The following USP13 variants were observed in gnomAD, a reference collection of about 807,000 sequenced individuals.
USP13 encodes the protein ubiquitin carboxyl-terminal hydrolase 13.
A neutral mutation model predicts 107.8 loss-of-function variants in USP13; 68 were observed. The ratio of observed to expected loss-of-function variants is 0.63; its 90% CI spans 0.52 to 0.77. The LOEUF (loss-of-function observed/expected upper bound fraction) is 0.77, where lower values mean the gene tolerates loss of function less well. USP13 is among the 30% of genes least tolerant of loss of function. USP13 has a pLI of 0.00. For synonymous variants in USP13, 377 were observed against 389.5 expected (o/e 0.97, Z 0.38); for missense variants, 945 against 1,093.3 (o/e 0.86, Z 1.91).
chr3:179,759,947 C>T (rs1057470078), intron 16 of USP13, among the ~76,000 whole-genome samples: 1 of 152,166 alleles, frequency 6.6e-6, no homozygotes, highest in African/African-American at 2.4e-5. Context: ...GCTGGGATTA[C>T]AGGCGTGAGC....
rs1714235302 is a variant in USP13 at position 179,742,351 on chromosome 3, G to T, written c.1534+1G>T. On this transcript the variant is annotated splice_donor_variant, in intron 12 of 20. Transcript: ENST00000263966. LOFTEE classifies it high-confidence loss of function. This position sits in a 1 kb window ranked among gnomAD's most constrained non-coding sequence, Gnocchi z 5.0. ...GCCATGGAGGCGGCAACCAACAAGG[G>T]TAACAATTCCAAAGCGGGAAATTGG... 5 of 1,614,186 alleles carry T rather than the reference G, an allele frequency of 3.1e-6. No homozygotes were observed. The highest frequency in any genetic ancestry group is 4.2e-6 in the Non-Finnish European group (5 of 1,180,016).
Position 179,653,506 on chromosome 3 carries a change from G to C in USP13, c.168+113G>C. On this transcript the variant is annotated intron_variant, in intron 1 of 20. Transcript: ENST00000263966. The surrounding 1 kb of genome is among the most constrained non-coding windows in gnomAD (Gnocchi z 4.0). ...ACCTCTTCTCTTCCTCCGGGCGGCAGAGTTGGCTCAGGAACACTGCAGTTC... is the reference window on the plus strand; with the variant it reads ...ACCTCTTCTCTTCCTCCGGGCGGCACAGTTGGCTCAGGAACACTGCAGTTC... 7.0e-7 allele frequency: 1 copy of C among 1,428,926 alleles called. No individual in the cohort carries two copies. Among genetic ancestry groups the C allele is most frequent in the Non-Finnish European group, 9.4e-7 (1 of 1,065,458 alleles). The allele number at this position is 1,428,926 out of a possible 1,614,324, so 88.5% of individuals were successfully genotyped here.
At chr3:179,690,643 G>T (rs931559757) in intron 3 of USP13, among the ~76,000 whole-genome samples, 3 of 152,162 alleles carry the variant, frequency 2.0e-5, no homozygotes, top group African/African-American at 7.2e-5. Context: ...CGCCATCTTG[G>T]CTCACTACAA....
intron 6 of USP13, among the ~76,000 whole-genome samples, chr3:179,709,837 T>C (rs1005095255): frequency 6.6e-6 from 1 of 152,210 alleles, no homozygotes; most frequent in Non-Finnish European, 1.5e-5. Flanking sequence ...AGGGGAAATA[T>C]AAAAACATGT....
Position 179,674,266 on chromosome 3 carries a change from G to A in USP13, c.169-7612G>A, listed in dbSNP as rs1720830294. Among the ~76,000 whole-genome samples the A allele has an allele frequency of 2.0e-5, 3 of 152,318 alleles. 1 individual carries two copies. The South Asian group carries it at 6.2e-4, about 32-fold the overall frequency. ...TGTGACCAGTGGATCTGTTTGCCCAGGACATAGACCAGTTTGGGTTTTGTG... is the reference window on the plus strand; with the variant it reads ...TGTGACCAGTGGATCTGTTTGCCCAAGACATAGACCAGTTTGGGTTTTGTG... On this transcript the variant is annotated intron_variant, in intron 1 of 20. Transcript: ENST00000263966.
intron 10 of USP13, among the ~76,000 whole-genome samples, chr3:179,736,361 A>C (rs935104658): frequency 3.3e-5 from 5 of 152,242 alleles, no homozygotes; most frequent in African/African-American, 1.2e-4. Context: ...TGAAGTGAGC[A>C]TATTAATAGT....
intron 1 of USP13, among the ~76,000 whole-genome samples, chr3:179,666,925 A>G (rs1720604345): frequency 6.6e-6 from 1 of 152,188 alleles, no homozygotes; most frequent in South Asian, 2.1e-4. Flanking sequence ...TAGCCATGTG[A>G]CTTCAGCAAA....
At chr3:179,676,790 G>A (rs922342478) in intron 1 of USP13, among the ~76,000 whole-genome samples, 1 of 152,184 alleles carries the variant, frequency 6.6e-6, no homozygotes, top group African/African-American at 2.4e-5. Context: ...GTATTGGGCA[G>A]TGCCTCCCTG....
Position 179,750,189 on chromosome 3 carries a change from C to T in USP13, c.1710-2096C>T, listed in dbSNP as rs571221912. On this transcript the variant is annotated intron_variant, in intron 13 of 20. Transcript: ENST00000263966. ...CTGAGGCAGGAGAATCACTTGAATC[C>T]GGGAGGCAGAGGTTGCAGTGACCCG... Among the ~76,000 whole-genome samples, 44 of 151,316 alleles carry T rather than the reference C, an allele frequency of 2.9e-4. No individual in the cohort carries two copies. The East Asian group carries it at 4.4e-3, about 15-fold the overall frequency.
intron 2 of USP13, among the ~76,000 whole-genome samples, chr3:179,683,372 AG>A (rs1711735407): frequency 6.6e-6 from 1 of 152,216 alleles, no homozygotes; most frequent in African/African-American, 2.4e-5. Context: ...TCCTACCTCA[AG>A]GTCATAAAGA....
intron 19 of USP13, among the ~76,000 whole-genome samples, chr3:179,770,287 C>T (rs1266493670): frequency 6.6e-6 from 1 of 152,062 alleles, no homozygotes; most frequent in African/African-American, 2.4e-5. Context: ...TTTATTCGCC[C>T]CTTTTCTAAC....
intron 2 of USP13, among the ~76,000 whole-genome samples, chr3:179,687,595 GT>G (rs1256060405): frequency 2.2e-5 from 3 of 136,346 alleles, no homozygotes; most frequent in Non-Finnish European, 4.6e-5. Context: ...GGAGGCTGAA[GT>G]TGCGGTAAGC....
At position 179,717,010 on chromosome 3, in the gene USP13, C is replaced by G. The variant is rs560323649; in HGVS notation, c.806-2930C>G. On this transcript the variant is annotated intron_variant, in intron 6 of 20. Coordinates refer to ENST00000263966, the MANE Select transcript of USP13 (RefSeq NM_003940.3). ...GACTGGTTTGCTTCTAAAATGAATG[C>G]AGTTACTCATGAAACACTGCTTGGG... is the stretch of plus-strand genomic sequence containing the variant. Among the ~76,000 whole-genome samples the G allele has an allele frequency of 1.5e-3, 225 of 152,276 alleles. 9 individuals carry two copies. The South Asian group carries it at 0.045, about 31-fold the overall frequency.
intron 1 of USP13, among the ~76,000 whole-genome samples, chr3:179,657,762 C>CAAAAAAAAAA (rs35377039): frequency 6.8e-5 from 5 of 73,764 alleles, no homozygotes; most frequent in Non-Finnish European, 1.0e-4. Flanking sequence ...AATTCCGTCT[C>CAAAAAAAAAA]AAAAAAAAAA....
chr3:179,756,413 A>C lies in USP13; in HGVS notation c.1922-639A>C, dbSNP rs974820829. Among the ~76,000 whole-genome samples, 211 of 150,310 alleles carry C rather than the reference A, an allele frequency of 1.4e-3. 1 individual carries two copies. Among genetic ancestry groups the C allele is most frequent in the South Asian group, 3.8e-3 (18 of 4,684 alleles). On this transcript the variant is annotated intron_variant, in intron 15 of 20. Coordinates refer to ENST00000263966, the MANE Select transcript of USP13 (RefSeq NM_003940.3). ...CGGCAGAGCGAGACCCTGTCTCAAAAAAACAAACAAACAAACAAACAAACA... is the reference window on the plus strand; with the variant it reads ...CGGCAGAGCGAGACCCTGTCTCAAACAAACAAACAAACAAACAAACAAACA...
At position 179,784,193 on chromosome 3, in the gene USP13, C is replaced by CA. The variant is rs71300409; in HGVS notation, c.*63dup. 185,954 of 979,462 alleles carry CA rather than the reference C, an allele frequency of 0.19. 2,538 individuals carry two copies. The highest frequency in any genetic ancestry group is 0.2 in the Non-Finnish European group (144,452 of 708,136). 60.7% of individuals were successfully genotyped at this position (979,462 alleles called of 1,614,324 possible). A position where few individuals can be genotyped will look rare whatever the true frequency, so the allele number is the denominator to read the frequency against. ...GAAGCCATACGCCTTTTTAATTTGC[C>CA]AAAAAAAAAAAGAAGAAGAAGAAGT... On this transcript the variant is annotated 3_prime_UTR_variant, in exon 21 of 21. Transcript: ENST00000263966.
At chr3:179,707,334 T>C (rs901002579) in intron 5 of USP13, among the ~76,000 whole-genome samples, 2 of 152,072 alleles carry the variant, frequency 1.3e-5, no homozygotes, top group Non-Finnish European at 2.9e-5. Flanking sequence ...GAGAGCTTTT[T>C]CTGCTTGCTG....
chr3:179,742,116 C>T lies in USP13; in HGVS notation c.1381-81C>T, dbSNP rs577223527. The T allele has an allele frequency of 3.9e-4, 610 of 1,548,708 alleles. 5 individuals are homozygous for T. In the South Asian group the frequency reaches 5.5e-3, roughly 14 times the overall value. ...GTTTAATAAAGCCAAGTGTTTACAC[C>T]GGGTTTAGAGTTCATTTTCTACTAA... On this transcript the variant is annotated intron_variant, in intron 11 of 20. Coordinates refer to ENST00000263966, the MANE Select transcript of USP13 (RefSeq NM_003940.3). The surrounding 1 kb of genome is among the most constrained non-coding windows in gnomAD (Gnocchi z 5.0).
At position 179,708,868 on chromosome 3, in the gene USP13, C is replaced by G. The variant is rs746974398; in HGVS notation, c.716C>G (p.Ser239Cys). 3 of 1,614,100 alleles carry G rather than the reference C, an allele frequency of 1.9e-6. No homozygotes were observed. The highest frequency in any genetic ancestry group is 2.5e-6 in the Non-Finnish European group (3 of 1,180,024). ...TGTGGAAAGTGGTTCTTTGACAGCT[C>G]TGGGGGCAACGGGCATGCGCTGGAG... Reference protein sequence around the residue: ...VLCGKWFFDSSGGNGHALEHY... With the variant: ...VLCGKWFFDSCGGNGHALEHY... The change falls in exon 6 of 21, where the codon TCT (serine) becomes TGT (cysteine). Residue 239 changes from serine (S) to cysteine (C), a missense_variant. Physicochemically the swap from Ser to Cys is moderately radical, Grantham distance 112. Transcript: ENST00000263966.
Sources: gnomAD v4.1 joint callset for allele counts (sites outside exome capture counted in the v4.1 genomes callset) on GRCh38, gnomAD v4.1.1 for gene constraint, Gnocchi (gnomAD v3.1) non-coding constraint, MANE v1.5 for transcripts, NCBI Gene and HGNC (gene_info 2026-07-23, HGNC 2026-07-21) for gene names.